DENND5A: variants seen among roughly 807,000 people sequenced by gnomAD.
DENND5A encodes the protein DENN domain containing 5A, also known as DENN domain-containing protein 5A.
A neutral mutation model predicts 140.3 loss-of-function variants in DENND5A; 64 were observed. The ratio of observed to expected loss-of-function variants is 0.46; its 90% CI spans 0.37 to 0.56. The LOEUF (loss-of-function observed/expected upper bound fraction) is 0.56. Among genes scored for constraint, DENND5A ranks in the 20% least tolerant of loss-of-function variants. The probability of loss-of-function intolerance (pLI) is 0.00; values close to 1 mark genes in which losing one functional copy is unlikely to be tolerated. For missense variants in DENND5A, 1,292 were observed against 1,593.8 expected, an observed-to-expected ratio of 0.81 and a Z score of 3.22; for synonymous variants, 605 against 607.7, an observed-to-expected ratio of 1.00 and a Z score of 0.07.
chr11:9,215,131 A>C (rs1850038951), intron 1 of DENND5A, among the ~76,000 whole-genome samples: 1 of 152,168 alleles, frequency 6.6e-6, no homozygotes, highest in African/African-American at 2.4e-5. Context: ...CTATTTTCTC[A>C]AGGCAGATTT....
intron 1 of DENND5A, among the ~76,000 whole-genome samples, chr11:9,215,766 T>C (rs554947453): frequency 6.6e-6 from 1 of 152,112 alleles, no homozygotes; most frequent in Non-Finnish European, 1.5e-5. Flanking sequence ...GCCAGGCTGA[T>C]CTCAAACCCC....
At chr11:9,251,138 CAAAAAAAAA>C (rs887593530) in intron 1 of DENND5A, among the ~76,000 whole-genome samples, 7 of 90,026 alleles carry the variant, frequency 7.8e-5, no homozygotes, top group Middle Eastern at 6.4e-3. Flanking sequence ...CCATCTCAAA[CAAAAAAAAA>C]AAAAAAAAAA....
intron 1 of DENND5A, among the ~76,000 whole-genome samples, chr11:9,255,565 C>G (rs1851910169): frequency 6.6e-6 from 1 of 151,948 alleles, no homozygotes; most frequent in Non-Finnish European, 1.5e-5. Flanking sequence ...AACCCCGTTT[C>G]TACTAAAAAT....
chr11:9,261,135 G>C (rs1423528877), intron 1 of DENND5A, among the ~76,000 whole-genome samples: 1 of 152,190 alleles, frequency 6.6e-6, no homozygotes, highest in African/African-American at 2.4e-5. Flanking sequence ...ACAGGTGTGA[G>C]CTACTGCGCC....
At position 9,160,742 on chromosome 11, in the gene DENND5A, T is replaced by A; in HGVS notation, c.2407A>T (p.Ile803Phe). 1.2e-6 allele frequency: 2 copies of A among 1,613,780 alleles called. No individual in the cohort carries two copies. The highest frequency in any genetic ancestry group is 1.7e-6 in the Non-Finnish European group (2 of 1,179,700). ...IASLCDLLER[I>F]WSHGLQVKQG... ...TTCACTTGTAGTCCATGACTCCAGA[T>A]CCTTTCCAGGAGATCACAAAGGCTG... Residue 803 changes from isoleucine to phenylalanine, a missense_variant, in exon 12 of 23, where the codon ATC becomes TTC. Ile to Phe is a conservative substitution (Grantham distance 21, BLOSUM62 0). Transcript: ENST00000328194.
Position 9,139,476 on chromosome 11 carries a change from A to G in DENND5A, c.*195T>C, listed in dbSNP as rs776095843. 1 of 594,866 alleles carries G rather than the reference A, an allele frequency of 1.7e-6. No individual in the cohort carries two copies. The highest frequency in any genetic ancestry group is 2.9e-6 in the Non-Finnish European group (1 of 342,172). 36.8% of individuals were successfully genotyped at this position (594,866 alleles called of 1,614,324 possible). A position where few individuals can be genotyped will look rare whatever the true frequency, so the allele number is the denominator to read the frequency against. On this transcript the variant is annotated 3_prime_UTR_variant, in exon 23 of 23. Coordinates refer to ENST00000328194, the MANE Select transcript of DENND5A (RefSeq NM_015213.4). ...CCTCTCCCTATCACTCTTTCACATG[A>G]AAGTGTGTAAAAAGCAAATCAGCAA...
At chr11:9,228,845 TG>T (rs1850643179) in intron 1 of DENND5A, among the ~76,000 whole-genome samples, 1 of 152,200 alleles carries the variant, frequency 6.6e-6, no homozygotes, top group African/African-American at 2.4e-5. Flanking sequence ...GCCGCAAACT[TG>T]CCCCATCCAT....
chr11:9,145,331 G>A (rs1590204471), intron 17 of DENND5A: 2 of 591,628 alleles, frequency 3.4e-6, no homozygotes, highest in East Asian at 2.8e-5. Flanking sequence ...GAAGAACAGG[G>A]TCAGGGAGCA....
At chr11:9,224,676 T>C (rs971527297) in intron 1 of DENND5A, among the ~76,000 whole-genome samples, 35 of 151,750 alleles carry the variant, frequency 2.3e-4, no homozygotes, top group Admixed American at 6.6e-4. Context: ...CTGACTGACA[T>C]GGTGAAAACC....
At chr11:9,239,335 CTT>C (rs1213339417) in intron 1 of DENND5A, among the ~76,000 whole-genome samples, 16 of 121,256 alleles carry the variant, frequency 1.3e-4, no homozygotes, top group Admixed American at 1.7e-4. Flanking sequence ...CCTGGCTAAA[CTT>C]TTTTTTTTTT....
chr11:9,177,021 G>C, intron 8 of DENND5A: 4 of 426,532 alleles, frequency 9.4e-6, no homozygotes, highest in South Asian at 6.7e-5. Flanking sequence ...TTGGAATGCA[G>C]AGGTGGGAGA....
chr11:9,183,201 G>A (rs1318735713), intron 5 of DENND5A, among the ~76,000 whole-genome samples: 1 of 152,112 alleles, frequency 6.6e-6, no homozygotes, highest in Non-Finnish European at 1.5e-5. Flanking sequence ...AGACAACATT[G>A]CCTTCATTGC....
At chr11:9,259,098 T>C (rs1222780686) in intron 1 of DENND5A, among the ~76,000 whole-genome samples, 1 of 151,968 alleles carries the variant, frequency 6.6e-6, no homozygotes, top group African/African-American at 2.4e-5. Flanking sequence ...CCATCTCTAC[T>C]AAAAATACAA....
intron 1 of DENND5A, among the ~76,000 whole-genome samples, chr11:9,258,175 T>C (rs1373561129): frequency 6.6e-6 from 1 of 151,946 alleles, no homozygotes; most frequent in East Asian, 1.9e-4. Context: ...GAACATACAG[T>C]TTTGTTACAT....
intron 10 of DENND5A, among the ~76,000 whole-genome samples, chr11:9,166,910 C>T (rs11822705): frequency 0.011 from 1,736 of 151,436 alleles, 38 homozygotes; most frequent in African/African-American, 0.04. Context: ...ATGACTACAG[C>T]AAATCTCAAA....
At chr11:9,145,423 C>A in intron 17 of DENND5A, 1 of 588,360 alleles carries the variant, frequency 1.7e-6, no homozygotes, top group Non-Finnish European at 3.0e-6. Flanking sequence ...CTTCTCAACA[C>A]ACTATGCATG....
chr11:9,219,760 G>T (rs1276887555), intron 1 of DENND5A, among the ~76,000 whole-genome samples: 2 of 152,206 alleles, frequency 1.3e-5, no homozygotes, highest in African/African-American at 4.8e-5. Context: ...TTTTCCAAGG[G>T]ATCTGTGAGC....
intron 5 of DENND5A, among the ~76,000 whole-genome samples, chr11:9,191,052 G>A (rs574064003): frequency 2.6e-4 from 39 of 152,232 alleles, no homozygotes; most frequent in African/African-American, 8.7e-4. Context: ...AACCACTTAT[G>A]AAGCACACAC....
chr11:9,265,212 T>A lies in DENND5A; in HGVS notation c.-143A>T, dbSNP rs1305855316. On this transcript the variant is annotated 5_prime_UTR_variant, in exon 1 of 23. Transcript: ENST00000328194. This position sits in a 1 kb window ranked among gnomAD's most constrained non-coding sequence, Gnocchi z 4.7. ...GCCGCCGCCCCCGGCCCTGGCCCGG[T>A]CCCCTCGGCCGCCGCGGCTGCCGTG... 3.4e-6 allele frequency: 1 copy of A among 294,484 alleles called. No homozygotes were observed. The highest frequency in any genetic ancestry group is 5.3e-6 in the Non-Finnish European group (1 of 189,926). 18.2% of individuals were successfully genotyped at this position (294,484 alleles called of 1,614,324 possible).
Sources: allele counts gnomAD v4.1 joint callset (sites outside exome capture counted in the v4.1 genomes callset), GRCh38; gene constraint gnomAD v4.1.1; non-coding constraint Gnocchi (gnomAD v3.1); transcripts MANE v1.5; gene names NCBI Gene and HGNC (gene_info 2026-07-23, HGNC 2026-07-21).